The following MAF variants were observed in gnomAD, a reference collection of about 807,000 sequenced individuals.
MAF encodes the protein MAF bZIP transcription factor.
Under a neutral mutation model 22.0 loss-of-function variants are expected in MAF, and 10 were observed. The ratio of observed to expected loss-of-function variants is 0.45; its 90% confidence interval spans 0.28 to 0.77. The LOEUF is 0.77. MAF is among the 30% of genes least tolerant of loss of function. The pLI, the probability that MAF is intolerant of heterozygous loss-of-function variation, is 0.12. For synonymous variants in MAF, 337 were observed against 255.8 expected (o/e 1.32, Z -3.03); for missense variants, 544 against 548.4 (o/e 0.99, Z 0.08).
the MAF span, among the ~76,000 whole-genome samples, chr16:79,457,302 G>C: frequency 6.6e-6 from 1 of 151,682 alleles, no homozygotes. Flanking sequence ...ACCATACTTT[G>C]ACATGGCTGC....
At chr16:79,264,877 C>T in the MAF span, among the ~76,000 whole-genome samples, 2,818 of 152,184 alleles carry the variant, frequency 0.019, 91 homozygotes, top group African/African-American at 0.065. Flanking sequence ...CCCACAGTTC[C>T]CAAATTTTAA....
At chr16:79,223,106 C>T in the MAF span, among the ~76,000 whole-genome samples, 180 of 151,690 alleles carry the variant, frequency 1.2e-3, 2 homozygotes, top group African/African-American at 4.1e-3. Context: ...TAAAATTGAC[C>T]ACATAATTGG....
At chr16:79,556,760 C>T in the MAF span, among the ~76,000 whole-genome samples, 1 of 152,074 alleles carries the variant, frequency 6.6e-6, no homozygotes, top group Non-Finnish European at 1.5e-5. Flanking sequence ...CTCTCTATGC[C>T]ATGGGTAAGT....
At chr16:79,397,409 GA>G in the MAF span, among the ~76,000 whole-genome samples, 1 of 152,172 alleles carries the variant, frequency 6.6e-6, no homozygotes, top group Non-Finnish European at 1.5e-5. Context: ...TGTAAATAAT[GA>G]AGTCGTGTGA....
At chr16:79,579,913 C>G in the MAF span, among the ~76,000 whole-genome samples, 1 of 152,150 alleles carries the variant, frequency 6.6e-6, no homozygotes, top group Admixed American at 6.5e-5. Flanking sequence ...CTTGCAGGAA[C>G]CACACACCAG....
At chr16:79,261,046 G>C in the MAF span, among the ~76,000 whole-genome samples, 8 of 152,156 alleles carry the variant, frequency 5.3e-5, no homozygotes, top group African/African-American at 1.9e-4. Flanking sequence ...ATGAGGGCTG[G>C]GGCTGCAGGC....
At chr16:79,535,439 C>T in the MAF span, among the ~76,000 whole-genome samples, 2 of 150,882 alleles carry the variant, frequency 1.3e-5, no homozygotes, top group South Asian at 2.1e-4. Context: ...ATTACAGTAC[C>T]GTGCTGAGTG....
the MAF span, among the ~76,000 whole-genome samples, chr16:79,222,113 A>G: frequency 6.6e-6 from 1 of 152,230 alleles, no homozygotes; most frequent in Non-Finnish European, 1.5e-5. Flanking sequence ...TAAGACTAAC[A>G]GCAGATCTCT....
the MAF span, among the ~76,000 whole-genome samples, chr16:79,368,007 C>G: frequency 6.6e-6 from 1 of 152,170 alleles, no homozygotes. Context: ...ATTTGTTCAA[C>G]GAGTGACAAG....
chr16:79,266,881 G>A, the MAF span, among the ~76,000 whole-genome samples: 7 of 152,312 alleles, frequency 4.6e-5, no homozygotes, highest in Non-Finnish European at 8.8e-5. Flanking sequence ...GGAGATAGAA[G>A]TGTTCACAGG....
At chr16:79,397,626 T>C in the MAF span, among the ~76,000 whole-genome samples, 2 of 152,192 alleles carry the variant, frequency 1.3e-5, no homozygotes, top group African/African-American at 4.8e-5. Context: ...TGATGGACCA[T>C]CTCCTGGAAT....
chr16:79,594,595 A>C, intron 1 of MAF, 42 bp from the exon 2 acceptor site: 1 of 1,551,806 alleles, frequency 6.4e-7, no homozygotes, highest in East Asian at 2.4e-5. Context: ...ATTTAGACAA[A>C]GATCAAACGC....
the MAF span, among the ~76,000 whole-genome samples, chr16:79,576,656 A>G: frequency 6.6e-6 from 1 of 152,172 alleles, no homozygotes; most frequent in Non-Finnish European, 1.5e-5. Context: ...CCAATATCAT[A>G]ACGGCAAAGT....
At chr16:79,570,356 C>G in the MAF span, among the ~76,000 whole-genome samples, 1 of 149,246 alleles carries the variant, frequency 6.7e-6, no homozygotes, top group Non-Finnish European at 1.5e-5. Flanking sequence ...CTTTCAGATT[C>G]CAAAGCCATT....
the MAF span, among the ~76,000 whole-genome samples, chr16:79,530,380 C>T: frequency 6.6e-6 from 1 of 152,146 alleles, no homozygotes; most frequent in Non-Finnish European, 1.5e-5. Flanking sequence ...ACTTCAAATT[C>T]AGAGCACCCT....
chr16:79,286,671 A>G, the MAF span, among the ~76,000 whole-genome samples: 1 of 152,216 alleles, frequency 6.6e-6, no homozygotes, highest in Non-Finnish European at 1.5e-5. Context: ...TAGATACAGA[A>G]CTTGCTCAGA....
At chr16:79,354,794 T>C in the MAF span, among the ~76,000 whole-genome samples, 1 of 152,116 alleles carries the variant, frequency 6.6e-6, no homozygotes, top group Non-Finnish European at 1.5e-5. Flanking sequence ...ACCATGGAAA[T>C]GATAAAGCTG....
the MAF span, among the ~76,000 whole-genome samples, chr16:79,248,877 A>G: frequency 1.3e-5 from 2 of 152,296 alleles, no homozygotes; most frequent in Admixed American, 6.5e-5. Flanking sequence ...AATTTTGTCC[A>G]AAAGAATCCA....
the MAF span, among the ~76,000 whole-genome samples, chr16:79,468,143 T>C: frequency 6.6e-6 from 1 of 152,080 alleles, no homozygotes; most frequent in Non-Finnish European, 1.5e-5. Flanking sequence ...GCTGAATTTA[T>C]TCTCCGCCAT....
Sources: gnomAD v4.1 joint callset for allele counts (sites outside exome capture counted in the v4.1 genomes callset) on GRCh38, gnomAD v4.1.1 for gene constraint, MANE v1.5 for transcripts, NCBI Gene and HGNC (gene_info 2026-07-23, HGNC 2026-07-21) for gene names.